The following PLXNA4 variants were observed in gnomAD, a reference collection of about 807,000 sequenced individuals.
PLXNA4 encodes plexin A4, also known as plexin-A4.
Under a neutral mutation model 191.8 loss-of-function variants are expected in PLXNA4, and 44 were observed. That is an observed-to-expected ratio of 0.23 (90% CI 0.18 to 0.29). PLXNA4 has a LOEUF of 0.29. Among genes scored for constraint, PLXNA4 ranks in the 10% least tolerant of loss-of-function variants. The pLI is 1.00. For missense variants in PLXNA4, 1,800 were observed against 2,488.8 expected, an observed-to-expected ratio of 0.72 and a Z score of 5.89; for synonymous variants, 1,082 against 1,009.5, an observed-to-expected ratio of 1.07 and a Z score of -1.36.
At chr7:132,354,880 T>C (rs1205387175) in intron 3 of PLXNA4, among the ~76,000 whole-genome samples, 1 of 152,170 alleles carries the variant, frequency 6.6e-6, no homozygotes, top group Non-Finnish European at 1.5e-5. Flanking sequence ...TGAGCATAAA[T>C]GAGTCTAGTG....
chr7:132,419,904 T>A (rs181444059), intron 3 of PLXNA4, among the ~76,000 whole-genome samples: 1 of 152,344 alleles, frequency 6.6e-6, no homozygotes, highest in Admixed American at 6.5e-5. Flanking sequence ...TCATGGGCTA[T>A]GACATAGCCT....
At chr7:132,473,679 G>T (rs1040715977) in intron 3 of PLXNA4, among the ~76,000 whole-genome samples, 32 of 152,074 alleles carry the variant, frequency 2.1e-4, no homozygotes, top group African/African-American at 7.5e-4. Flanking sequence ...AAAAGGCCAG[G>T]TTTATATTCA....
At position 132,576,306 on chromosome 7, in the gene PLXNA4, C is replaced by G; in HGVS notation, c.-87+116G>C. 2.6e-6 allele frequency: 2 copies of G among 759,962 alleles called. No homozygotes were observed. Among genetic ancestry groups the G allele is most frequent in the Middle Eastern group, 6.6e-4 (1 of 1,508 alleles). The allele number at this position is 759,962 out of a possible 1,614,324, so 47.1% of individuals were successfully genotyped here. ...GTGTGTGCCTGCGTGTGTGCGTGTG[C>G]GTGTGCCGCGGGCTGGCTCCGGGAC... On this transcript the variant is annotated intron_variant, in intron 1 of 31. Transcript: ENST00000321063. This position sits in a 1 kb window ranked among gnomAD's most constrained non-coding sequence, Gnocchi z 5.8.
At chr7:132,385,165 C>A (rs748871320) in intron 3 of PLXNA4, 8 of 1,613,272 alleles carry the variant, frequency 5.0e-6, no homozygotes, top group Non-Finnish European at 6.8e-6. Context: ...ACTAAATAAG[C>A]CTACACAGCT....
chr7:132,522,361 G>A (rs1366280046), intron 1 of PLXNA4, among the ~76,000 whole-genome samples: 1 of 152,188 alleles, frequency 6.6e-6, no homozygotes, highest in Non-Finnish European at 1.5e-5. Flanking sequence ...AACCCATTAG[G>A]ATTATTGCTG....
intron 1 of PLXNA4, among the ~76,000 whole-genome samples, chr7:132,541,868 A>G (rs7789101): frequency 0.69 from 105,381 of 152,158 alleles, 38,885 homozygotes; most frequent in South Asian, 0.89. Context: ...CTCAGGGACA[A>G]GCCAGGTAAG....
intron 9 of PLXNA4, among the ~76,000 whole-genome samples, chr7:132,213,231 G>A (rs957883685): frequency 6.6e-6 from 1 of 152,184 alleles, no homozygotes; most frequent in Non-Finnish European, 1.5e-5. Flanking sequence ...GAATGGTGAT[G>A]TCTAAGGGGA....
At chr7:132,163,999 G>A in intron 24 of PLXNA4, 143 bp downstream of exon 24, 1 of 1,342,666 alleles carries the variant, frequency 7.4e-7, no homozygotes, top group South Asian at 1.5e-5. Context: ...GGACACAGCG[G>A]GAGCACCTGG....
chr7:132,434,989 C>G (rs1173142095), intron 3 of PLXNA4, among the ~76,000 whole-genome samples: 2 of 152,120 alleles, frequency 1.3e-5, no homozygotes, highest in Non-Finnish European at 2.9e-5. Context: ...GGGCTGAGAT[C>G]CAAGTTCCCA....
In PLXNA4 at chr7:132,468,734, G is replaced by GCACACA. The variant is rs36218194; in HGVS notation, c.1371+20552_1371+20557dup. On this transcript the variant is annotated intron_variant, in intron 3 of 31. Coordinates refer to ENST00000321063, the MANE Select transcript of PLXNA4 (RefSeq NM_020911.2). ...CCTTCAACACACACAATATGCACAC[G>GCACACA]CACACACACACACACACACACAATA... 5.9e-3 allele frequency among the ~76,000 whole-genome samples: 858 copies of GCACACA among 145,276 alleles called. 7 individuals carry two copies. The highest frequency in any genetic ancestry group is 0.021 in the African/African-American group (824 of 40,062).
At chr7:132,594,918 GATAGA>G (rs1802669952) in intron 2 of PLXNA4, among the ~76,000 whole-genome samples, 5 of 36,330 alleles carry the variant, frequency 1.4e-4, no homozygotes, top group African/African-American at 5.6e-4. Flanking sequence ...TAGGTAGATA[GATAGA>G]TAGATAGATA....
At chr7:132,494,584 G>A (rs1797931442) in intron 2 of PLXNA4, among the ~76,000 whole-genome samples, 1 of 152,210 alleles carries the variant, frequency 6.6e-6, no homozygotes, top group Non-Finnish European at 1.5e-5. Flanking sequence ...CTGCCACGCA[G>A]TGTGGTGGTG....
At chr7:132,151,238 G>A (rs545539710) in intron 25 of PLXNA4, among the ~76,000 whole-genome samples, 62 of 147,858 alleles carry the variant, frequency 4.2e-4, no homozygotes, top group African/African-American at 1.5e-3. Context: ...AAGAGGAGAA[G>A]AGGATGAAGA....
intron 3 of PLXNA4, among the ~76,000 whole-genome samples, chr7:132,462,084 TAATGTAAAAATAATAC>T: frequency 6.6e-6 from 1 of 152,210 alleles, no homozygotes; most frequent in African/African-American, 2.4e-5. Flanking sequence ...GAAATTATCA[TAATGTAAAAATAATAC>T]AGGTCTTAAA....
At chr7:132,498,668 A>C (rs1441374873) in intron 2 of PLXNA4, among the ~76,000 whole-genome samples, 6 of 152,146 alleles carry the variant, frequency 3.9e-5, no homozygotes. Flanking sequence ...GGTTTCAGGC[A>C]TCCACTGGGG....
At chr7:132,379,766 C>T (rs776629342) in intron 3 of PLXNA4, among the ~76,000 whole-genome samples, 95 of 152,178 alleles carry the variant, frequency 6.2e-4, no homozygotes, top group Non-Finnish European at 1.1e-3. Flanking sequence ...CCAGGATTCC[C>T]GAATCTCACA....
At chr7:132,283,551 T>C (rs1330685507) in intron 4 of PLXNA4, among the ~76,000 whole-genome samples, 1 of 152,054 alleles carries the variant, frequency 6.6e-6, no homozygotes, top group Non-Finnish European at 1.5e-5. Context: ...AACACTCCTT[T>C]CCCCAAATCG....
chr7:132,469,945 C>T (rs935465239), intron 3 of PLXNA4, among the ~76,000 whole-genome samples: 5 of 152,198 alleles, frequency 3.3e-5, no homozygotes, highest in Non-Finnish European at 7.3e-5. Flanking sequence ...GAGAGGACAC[C>T]ATTTGCCACT....
intron 3 of PLXNA4, among the ~76,000 whole-genome samples, chr7:132,302,443 T>C (rs1213064565): frequency 1.3e-5 from 2 of 152,052 alleles, no homozygotes; most frequent in African/African-American, 2.4e-5. Flanking sequence ...AAGTAATTAC[T>C]GAATAAATGT....
Sources: gnomAD v4.1 joint callset for allele counts (sites outside exome capture counted in the v4.1 genomes callset) on GRCh38, gnomAD v4.1.1 for gene constraint, Gnocchi (gnomAD v3.1) non-coding constraint, MANE v1.5 for transcripts, NCBI Gene and HGNC (gene_info 2026-07-23, HGNC 2026-07-21) for gene names.